ANO4: variants seen among roughly 807,000 people sequenced by gnomAD.
ANO4 encodes anoctamin-4.
Under a neutral mutation model 141.9 loss-of-function variants are expected in ANO4, and 69 were observed. The ratio of observed to expected loss-of-function variants is 0.49; its 90% confidence interval spans 0.40 to 0.59. The LOEUF (loss-of-function observed/expected upper bound fraction) is 0.59. Ranked by LOEUF, ANO4 falls within the 20% of genes least tolerant of loss-of-function variation. ANO4 has a pLI of 0.00. For missense variants in ANO4, 894 were observed against 1,162.2 expected, an observed-to-expected ratio of 0.77 and a Z score of 3.36; for synonymous variants, 350 against 394.3, an observed-to-expected ratio of 0.89 and a Z score of 1.33.
chr12:100,887,448 A>T (rs1029793471), intron 1 of ANO4, among the ~76,000 whole-genome samples: 7 of 152,178 alleles, frequency 4.6e-5, no homozygotes, highest in African/African-American at 1.7e-4. Context: ...AAATAGTTAA[A>T]TTTGTTTTAG....
chr12:100,939,578 G>T (rs1033739201), intron 4 of ANO4, 127 bp downstream of exon 4: 1 of 1,039,188 alleles, frequency 9.6e-7, no homozygotes, highest in Non-Finnish European at 1.3e-6. Flanking sequence ...CAAGGGACAG[G>T]TTTTATATTC....
intron 3 of ANO4, among the ~76,000 whole-genome samples, chr12:100,788,762 G>A (rs778995206): frequency 3.3e-5 from 5 of 152,068 alleles, no homozygotes; most frequent in Non-Finnish European, 7.4e-5. Flanking sequence ...GAGGAGCACA[G>A]AAGAAACAGT....
chr12:101,066,173 G>T (rs1429564360), intron 14 of ANO4, among the ~76,000 whole-genome samples: 2 of 152,222 alleles, frequency 1.3e-5, no homozygotes, highest in Admixed American at 1.3e-4. Flanking sequence ...GTGGGGAAAA[G>T]TGAAAACACT....
intron 10 of ANO4, among the ~76,000 whole-genome samples, chr12:101,037,681 G>A (rs1199110472): frequency 6.6e-6 from 1 of 152,162 alleles, no homozygotes; most frequent in Non-Finnish European, 1.5e-5. Flanking sequence ...ACTTTCGCAA[G>A]TGTAACTGAT....
chr12:100,885,016 A>G (rs1004966144), intron 1 of ANO4, among the ~76,000 whole-genome samples: 5 of 152,282 alleles, frequency 3.3e-5, no homozygotes, highest in East Asian at 3.9e-4. Context: ...TCCAGCTCCT[A>G]GGGCTGCCAC....
At chr12:100,924,979 A>T (rs17030776) in intron 3 of ANO4, among the ~76,000 whole-genome samples, 8,767 of 152,184 alleles carry the variant, frequency 0.058, 783 homozygotes, top group African/African-American at 0.19. Context: ...GTATAAATTT[A>T]TGAGTACTTA....
intron 7 of ANO4, among the ~76,000 whole-genome samples, chr12:100,979,224 A>G (rs2044340848): frequency 6.6e-6 from 1 of 152,188 alleles, no homozygotes; most frequent in Non-Finnish European, 1.5e-5. Context: ...ATGAGAATCA[A>G]TTTTGGATAT....
chr12:101,030,558 A>G (rs1160932884), intron 9 of ANO4, among the ~76,000 whole-genome samples: 1 of 152,196 alleles, frequency 6.6e-6, no homozygotes, highest in Non-Finnish European at 1.5e-5. Flanking sequence ...CTAACATCAC[A>G]ATTAAAAGAG....
At chr12:100,949,481 G>C (rs181014670) in intron 5 of ANO4, among the ~76,000 whole-genome samples, 2 of 152,196 alleles carry the variant, frequency 1.3e-5, no homozygotes, top group Non-Finnish European at 2.9e-5. Flanking sequence ...CATTTATATC[G>C]AGTGCTTATC....
intron 15 of ANO4, among the ~76,000 whole-genome samples, chr12:101,081,722 G>C (rs1303328240): frequency 1.3e-5 from 2 of 152,182 alleles, no homozygotes; most frequent in Non-Finnish European, 2.9e-5. Flanking sequence ...GAGGCTAGAA[G>C]TCCAAGCCAA....
At chr12:100,907,791 T>C (rs899111459) in intron 2 of ANO4, among the ~76,000 whole-genome samples, 32 of 152,338 alleles carry the variant, frequency 2.1e-4, no homozygotes, top group South Asian at 1.2e-3. Context: ...GATACTCAAC[T>C]TCTTTACCTT....
Position 100,771,187 on chromosome 12 carries a change from GA to G in ANO4, c.358+31085del, listed in dbSNP as rs1593301526. Among the ~76,000 whole-genome samples the G allele has an allele frequency of 2.0e-5, 3 of 152,076 alleles. No homozygotes were observed. The East Asian group carries it at 5.8e-4, about 29-fold the overall frequency. ...ACCTGCTGCAGGCAGGTATGGGCAG[GA>G]AAGAAGGGTTTGATGGGGGCCATGG... On this transcript the variant is annotated intron_variant, in intron 3 of 29. Transcript: ENST00000644049.
At chr12:101,111,229 C>A (rs1593297171) in intron 23 of ANO4, among the ~76,000 whole-genome samples, 1 of 152,258 alleles carries the variant, frequency 6.6e-6, no homozygotes, top group Non-Finnish European at 1.5e-5. Context: ...CAGAAGGGAC[C>A]AAATCCATAC....
At chr12:100,889,670 A>G (rs1238254127) in intron 1 of ANO4, among the ~76,000 whole-genome samples, 1 of 152,216 alleles carries the variant, frequency 6.6e-6, no homozygotes, top group Non-Finnish European at 1.5e-5. Context: ...AGAGAAATGC[A>G]AATCAAAACC....
chr12:100,887,856 T>C (rs1264044465), intron 1 of ANO4, among the ~76,000 whole-genome samples: 1 of 152,204 alleles, frequency 6.6e-6, no homozygotes. Flanking sequence ...GAATTTCCTG[T>C]TGTGATGATA....
chr12:100,920,875 T>C (rs2041599168), intron 2 of ANO4, among the ~76,000 whole-genome samples: 1 of 152,196 alleles, frequency 6.6e-6, no homozygotes, highest in Non-Finnish European at 1.5e-5. Context: ...TGCTATTTAC[T>C]GAGTGCTGAC....
At chr12:100,915,029 C>A (rs188493415) in intron 2 of ANO4, among the ~76,000 whole-genome samples, 1 of 151,928 alleles carries the variant, frequency 6.6e-6, no homozygotes, top group African/African-American at 2.4e-5. Context: ...CTATATTGCT[C>A]AGGTAGGTCT....
chr12:100,855,917 G>C (rs1176529137), intron 1 of ANO4, among the ~76,000 whole-genome samples: 1 of 152,086 alleles, frequency 6.6e-6, no homozygotes, highest in Non-Finnish European at 1.5e-5. Flanking sequence ...TATAATATTA[G>C]GATAAATGGA....
At chr12:100,820,713 A>G (rs114468174) in intron 1 of ANO4, among the ~76,000 whole-genome samples, 2,666 of 152,158 alleles carry the variant, frequency 0.018, 52 homozygotes, top group African/African-American at 0.049. Flanking sequence ...TACCTCCACC[A>G]GTGGGTTTCA....
Sources: gnomAD v4.1 joint callset for allele counts (sites outside exome capture counted in the v4.1 genomes callset) on GRCh38, gnomAD v4.1.1 for gene constraint, MANE v1.5 for transcripts, NCBI Gene and HGNC (gene_info 2026-07-23, HGNC 2026-07-21) for gene names.